Variants in MYH14 observed in about 807,000 individuals in gnomAD.
MYH14 encodes the protein myosin-14.
In MYH14, 123 loss-of-function variants were observed where a neutral mutation model predicts 255.5. The ratio of observed to expected loss-of-function variants is 0.48; its 90% CI spans 0.42 to 0.56. MYH14 has a LOEUF of 0.56. Ranked by LOEUF, MYH14 falls within the 20% of genes least tolerant of loss-of-function variation. MYH14 has a pLI of 0.00. For missense variants in MYH14, 2,423 were observed against 2,802.3 expected (o/e 0.86, Z 3.06); for synonymous variants, 1,095 against 1,161.2 (o/e 0.94, Z 1.16).
chr19:50,272,514 G>T (rs1414022017), intron 26 of MYH14, 46 bp from the exon 27 acceptor site: 8 of 1,548,068 alleles, frequency 5.2e-6, no homozygotes, highest in Middle Eastern at 1.9e-4. Flanking sequence ...GCGGCTGAGT[G>T]TGCAGGCCTG....
chr19:50,261,028 C>G (rs1412796537), intron 20 of MYH14, among the ~76,000 whole-genome samples: 2 of 117,452 alleles, frequency 1.7e-5, no homozygotes, highest in Admixed American at 8.5e-5. Context: ...CTATCACCCC[C>G]CTCCCCGTCA....
At chr19:50,255,192 C>T (rs1199546405) in intron 16 of MYH14, 28 bp from the exon 17 acceptor site, 3 of 1,451,768 alleles carry the variant, frequency 2.1e-6, no homozygotes, top group Non-Finnish European at 1.9e-6. Flanking sequence ...CCCCTCCACC[C>T]ACCCACACAT....
At chr19:50,243,322 G>C (rs934238272) in intron 10 of MYH14, among the ~76,000 whole-genome samples, 2 of 152,146 alleles carry the variant, frequency 1.3e-5, no homozygotes, top group African/African-American at 4.8e-5. Flanking sequence ...AGTAATCCCA[G>C]CTACTTGGGA....
intron 42 of MYH14, chr19:50,309,426 C>T (rs889743492): frequency 1.6e-6 from 1 of 615,522 alleles, no homozygotes; most frequent in African/African-American, 1.8e-5. Context: ...CTCTCCTTTC[C>T]TCCTCTCTGT....
chr19:50,224,323 C>T (rs970500117), intron 6 of MYH14, 146 bp downstream of exon 6: 93 of 1,090,142 alleles, frequency 8.5e-5, no homozygotes, highest in South Asian at 6.6e-4. Flanking sequence ...CTATTCATGG[C>T]GGCCCTGCTG....
intron 1 of MYH14, chr19:50,205,551 C>T (rs1009993793): frequency 3.9e-5 from 6 of 152,340 alleles, no homozygotes; most frequent in African/African-American, 1.4e-4. Context: ...GTCGGCGCCC[C>T]CAGGTAGCCC....
intron 1 of MYH14, among the ~76,000 whole-genome samples, chr19:50,207,259 G>GAGAGAC (rs2031830087): frequency 2.3e-5 from 3 of 130,210 alleles, no homozygotes; most frequent in African/African-American, 9.3e-5. Context: ...GAGAGAGAAA[G>GAGAGAC]AGAGAGAGAG....
At chr19:50,227,024 C>T in intron 8 of MYH14, 58 bp downstream of exon 8, 1 of 1,526,442 alleles carries the variant, frequency 6.6e-7, no homozygotes, top group South Asian at 1.1e-5. Context: ...TCAGACAGCA[C>T]TGAGTATGGA....
At chr19:50,298,079 C>T (rs754423627) in intron 39 of MYH14, among the ~76,000 whole-genome samples, 14 of 152,070 alleles carry the variant, frequency 9.2e-5, no homozygotes, top group Non-Finnish European at 1.8e-4. Context: ...CAAACCCTGT[C>T]CTCTTGGGCC....
chr19:50,257,722 G>A (rs2034645123), intron 18 of MYH14, among the ~76,000 whole-genome samples: 1 of 152,244 alleles, frequency 6.6e-6, no homozygotes, highest in Non-Finnish European at 1.5e-5. Flanking sequence ...GCATTGGAGA[G>A]AAAGGCACAG....
intron 1 of MYH14, among the ~76,000 whole-genome samples, chr19:50,204,914 A>T (rs80316737): frequency 8.7e-4 from 127 of 145,552 alleles, no homozygotes; most frequent in African/African-American, 1.6e-3. Context: ...TTTTTTTTTT[A>T]AATCATTTTA....
At chr19:50,204,203 C>A (rs1391556667) in intron 1 of MYH14, among the ~76,000 whole-genome samples, 3 of 151,858 alleles carry the variant, frequency 2.0e-5, no homozygotes, top group Admixed American at 2.0e-4. Flanking sequence ...TTATATTGTA[C>A]CCATTATACA....
Position 50,230,404 on chromosome 19 carries a change from T to C in MYH14, c.875-121T>C. 1 of 850,052 alleles carries C rather than the reference T, an allele frequency of 1.2e-6. No homozygotes were observed. Among genetic ancestry groups the C allele is most frequent in the Non-Finnish European group, 1.9e-6 (1 of 524,108 alleles). 52.7% of individuals were successfully genotyped at this position (850,052 alleles called of 1,614,324 possible). ...GTGGCAAAGTCACCAGCCTGGGCTG[T>C]GAGCGACTCCACTACACCACAGGAG... On this transcript the variant is annotated intron_variant, in intron 8 of 42. Transcript: ENST00000642316. The surrounding 1 kb of genome is among the most constrained non-coding windows in gnomAD (Gnocchi z 4.7).
chr19:50,296,108 CAAA>C (rs79336591), intron 39 of MYH14, among the ~76,000 whole-genome samples: 1 of 119,592 alleles, frequency 8.4e-6, no homozygotes. Context: ...GACTTTGTCT[CAAA>C]AAAAAAAAAA....
rs1442806156 is a variant in MYH14 at position 50,221,140 on chromosome 19, C to T, written c.563-1943C>T. On this transcript the variant is annotated intron_variant, in intron 3 of 42. Coordinates refer to ENST00000642316, the MANE Select transcript of MYH14 (RefSeq NM_001145809.2). This position sits in a 1 kb window ranked among gnomAD's most constrained non-coding sequence, Gnocchi z 5.3. ...CTGACCACCGCCTCCCTGTATGTCA[C>T]ACTGTGTGTTATATTTCCTCCTGTG... Among the ~76,000 whole-genome samples the T allele has an allele frequency of 2.0e-5, 3 of 152,124 alleles. No homozygotes were observed. Among genetic ancestry groups the T allele is most frequent in the Admixed American group, 2.0e-4 (3 of 15,270 alleles).
intron 40 of MYH14, 35 bp downstream of exon 40, chr19:50,301,904 C>G (rs764675950): frequency 6.5e-7 from 1 of 1,532,868 alleles, no homozygotes; most frequent in South Asian, 1.2e-5. Flanking sequence ...AGAAAGGTGA[C>G]CTCCACATTC....
rs541534428 is a variant in MYH14, at chr19:50,309,713, G to A, written c.6034G>A (p.Glu2012Lys). The change falls in exon 43 of 43, where the codon GAG becomes AAG. Residue 2012 changes from glutamate to lysine, a missense_variant. By Grantham distance (56) the Glu-to-Lys change is moderately conservative. Around this residue, in one of 3 missense-constraint regions of MYH14, gnomAD observed 1,513 missense variants for 1,674.8 expected, o/e 0.90. Coordinates refer to ENST00000642316, the MANE Select transcript of MYH14 (RefSeq NM_001145809.2). ...ACTAGAGGAGGGCGTGGCATCCGACGAGGAGGCAGAGGAAGCACAGCCTGG... is the reference window on the plus strand; with the variant it reads ...ACTAGAGGAGGGCGTGGCATCCGACAAGGAGGCAGAGGAAGCACAGCCTGG... ...FRLEEGVASD[E>K]EAEEAQPGSG... 27 of 1,603,752 alleles carry A rather than the reference G, an allele frequency of 1.7e-5. No individual in the cohort carries two copies. Among genetic ancestry groups the A allele is most frequent in the East Asian group, 6.8e-5 (3 of 44,276 alleles).
At chr19:50,277,964 TG>T in intron 29 of MYH14, 118 bp from the exon 30 acceptor site, 1 of 667,932 alleles carries the variant, frequency 1.5e-6, no homozygotes, top group Non-Finnish European at 2.2e-6. Context: ...ATTTGTTCAC[TG>T]GGAGAAGTGT....
chr19:50,217,383 T>C (rs1029329259), intron 2 of MYH14, among the ~76,000 whole-genome samples: 2 of 152,194 alleles, frequency 1.3e-5, no homozygotes, highest in Non-Finnish European at 2.9e-5. Context: ...CCTTGTTCTC[T>C]CTCAGGACAA....
Sources: gnomAD v4.1 joint callset for allele counts (sites outside exome capture counted in the v4.1 genomes callset) on GRCh38, gnomAD v4.1.1 for gene constraint, gnomAD v4.1.1 regional missense constraint, Gnocchi (gnomAD v3.1) non-coding constraint, MANE v1.5 for transcripts, NCBI Gene and HGNC (gene_info 2026-07-23, HGNC 2026-07-21) for gene names.